Variants in TLN2 observed in about 807,000 individuals in gnomAD.
TLN2 encodes talin 2.
In TLN2, 118 loss-of-function variants were observed where a neutral mutation model predicts 294.7. That is an observed-to-expected ratio of 0.40 (90% confidence interval 0.34 to 0.47). The LOEUF (loss-of-function observed/expected upper bound fraction) is 0.47. Among genes scored for constraint, TLN2 ranks in the 20% least tolerant of loss-of-function variants. TLN2 has a pLI of 0.84. For missense variants in TLN2, 3,083 were observed against 3,282.2 expected (o/e 0.94, Z 1.48); for synonymous variants, 1,431 against 1,304.5 (o/e 1.10, Z -2.09).
chr15:62,793,096 G>A (rs1267724261), intron 46 of TLN2, among the ~76,000 whole-genome samples: 6 of 152,208 alleles, frequency 3.9e-5, no homozygotes, highest in Admixed American at 2.6e-4. Context: ...GCAGCCAGGA[G>A]CCCCTGGTCA....
At chr15:62,673,309 G>GTTTTTTTTT (rs1379480852) in intron 9 of TLN2, among the ~76,000 whole-genome samples, 29 of 6,200 alleles carry the variant, frequency 4.7e-3, no homozygotes, top group Middle Eastern at 0.5. Flanking sequence ...TTTAGATGTT[G>GTTTTTTTTT]CTTTTTTTTT....
chr15:62,748,602 G>A (rs946926724), intron 33 of TLN2, among the ~76,000 whole-genome samples, 158 bp downstream of exon 33: 4 of 152,118 alleles, frequency 2.6e-5, no homozygotes. Context: ...AGGCTGTTAA[G>A]GCCAAAGTTC....
intron 32 of TLN2, among the ~76,000 whole-genome samples, chr15:62,742,229 G>A (rs1487053344): frequency 6.6e-6 from 1 of 152,128 alleles, no homozygotes; most frequent in Non-Finnish European, 1.5e-5. Context: ...GACTGTTCTA[G>A]TAAATAAGTG....
At chr15:62,731,082 C>T (rs945982825) in intron 28 of TLN2, among the ~76,000 whole-genome samples, 1 of 152,120 alleles carries the variant, frequency 6.6e-6, no homozygotes, top group Non-Finnish European at 1.5e-5. Context: ...CTTTCAACCC[C>T]TTCAGTTGAG....
In TLN2 at chr15:62,717,561, A is replaced by G. The variant is rs774161135; in HGVS notation, c.2764-15A>G. 8 of 1,524,184 alleles carry G rather than the reference A, an allele frequency of 5.2e-6. No homozygotes were observed. In the African/African-American group the frequency reaches 5.5e-5, roughly 10 times the overall value. 94.4% of individuals were successfully genotyped at this position (1,524,184 alleles called of 1,614,324 possible). A position where few individuals can be genotyped will look rare whatever the true frequency, so the allele number is the denominator to read the frequency against. ...TGCATATGCAGATCCTGACTCATCT[A>G]TCACTCCTCTGCAGGTTGCAGCCAA... On this transcript the variant is annotated splice_polypyrimidine_tract_variant and intron_variant, in intron 23 of 58. Transcript: ENST00000636159.
At chr15:62,441,966 A>G (rs1045355480) in intron 1 of TLN2, among the ~76,000 whole-genome samples, 3 of 151,946 alleles carry the variant, frequency 2.0e-5, no homozygotes, top group Non-Finnish European at 2.9e-5. Flanking sequence ...GTCCATCTTT[A>G]TGCTTGGTAA....
At chr15:62,702,740 A>G in intron 18 of TLN2, 26 bp from the exon 19 acceptor site, 3 of 1,611,086 alleles carry the variant, frequency 1.9e-6, no homozygotes, top group Non-Finnish European at 2.5e-6. Context: ...TTTTCTTTCC[A>G]ATTAAGGTGT....
At chr15:62,744,650 G>A (rs2061516761) in intron 32 of TLN2, among the ~76,000 whole-genome samples, 1 of 152,070 alleles carries the variant, frequency 6.6e-6, no homozygotes, top group African/African-American at 2.4e-5. Context: ...GGGTTCAAGT[G>A]ATTCTCCTGG....
chr15:62,648,760 G>A (rs1436009766), intron 4 of TLN2, among the ~76,000 whole-genome samples: 1 of 152,034 alleles, frequency 6.6e-6, no homozygotes, highest in African/African-American at 2.4e-5. Context: ...TGTTGGCCAG[G>A]ATGGTCTTGA....
At chr15:62,482,196 A>G (rs1008728053) in intron 1 of TLN2, among the ~76,000 whole-genome samples, 25 of 152,330 alleles carry the variant, frequency 1.6e-4, no homozygotes, top group African/African-American at 5.8e-4. Flanking sequence ...TGCAATATAT[A>G]AAAACATATT....
At chr15:62,695,323 A>G (rs2058249423) in intron 14 of TLN2, among the ~76,000 whole-genome samples, 1 of 152,218 alleles carries the variant, frequency 6.6e-6, no homozygotes. Context: ...GGAGCAACGC[A>G]GGAAGAAGTG....
intron 1 of TLN2, among the ~76,000 whole-genome samples, chr15:62,445,976 G>T (rs971993712): frequency 5.3e-5 from 8 of 151,246 alleles, no homozygotes; most frequent in African/African-American, 1.9e-4. Context: ...TTGATACTGA[G>T]CTCTGTAGTC....
intron 28 of TLN2, among the ~76,000 whole-genome samples, chr15:62,736,464 A>G (rs2061020608): frequency 6.6e-6 from 1 of 152,188 alleles, no homozygotes; most frequent in South Asian, 2.1e-4. Flanking sequence ...CTGCACATGT[A>G]GACTTGTTCA....
chr15:62,521,259 A>G (rs577222147), intron 1 of TLN2, among the ~76,000 whole-genome samples: 1 of 152,160 alleles, frequency 6.6e-6, no homozygotes, highest in East Asian at 1.9e-4. Context: ...TGCTGTTGAG[A>G]GCAAAGAATG....
intron 9 of TLN2, among the ~76,000 whole-genome samples, chr15:62,670,755 C>T (rs913691075): frequency 6.6e-5 from 10 of 152,174 alleles, no homozygotes; most frequent in African/African-American, 2.4e-4. Flanking sequence ...ATTAATAATG[C>T]TGCTGTGAAC....
At chr15:62,414,563 A>G (rs1277945114) in intron 1 of TLN2, among the ~76,000 whole-genome samples, 2 of 140,836 alleles carry the variant, frequency 1.4e-5, no homozygotes, top group East Asian at 3.5e-4. Flanking sequence ...CCGTTGTTTT[A>G]ACAAGTTCTC....
intron 11 of TLN2, among the ~76,000 whole-genome samples, chr15:62,683,400 A>G (rs937146544): frequency 1.3e-5 from 2 of 151,896 alleles, no homozygotes; most frequent in African/African-American, 4.8e-5. Flanking sequence ...TTATTAGCGA[A>G]TCCTGCCTCT....
At chr15:62,662,888 ATCTCG>A (rs56183227) in intron 9 of TLN2, among the ~76,000 whole-genome samples, 120,251 of 143,104 alleles carry the variant, frequency 0.84, 53,014 homozygotes, top group Non-Finnish European at 0.96. Context: ...CAGTGGCGTG[ATCTCG>A]GCTCACTGCA....
Position 62,568,849 on chromosome 15 carries a change from C to T in TLN2, c.-237-20838C>T, listed in dbSNP as rs2043625573. ...TCCTGCCCAGGTCCTTCCAGAATCT[C>T]GAGGCTAGATAACCCCAGTGTTAGA... is the stretch of plus-strand genomic sequence containing the variant. On this transcript the variant is annotated intron_variant, in intron 1 of 58. Transcript: ENST00000636159. Among the ~76,000 whole-genome samples the T allele has an allele frequency of 2.0e-5, 3 of 152,156 alleles. No homozygotes were observed. The South Asian group carries it at 6.2e-4, about 32-fold the overall frequency.
Sources: allele counts gnomAD v4.1 joint callset (sites outside exome capture counted in the v4.1 genomes callset), GRCh38; gene constraint gnomAD v4.1.1; transcripts MANE v1.5; gene names NCBI Gene and HGNC (gene_info 2026-07-23, HGNC 2026-07-21).